The following KIF22 variants were observed in gnomAD, a reference collection of about 807,000 sequenced individuals.
KIF22 encodes kinesin family member 22.
KIF22 carries 62 observed loss-of-function variants against 73.0 expected under a neutral mutation model. The ratio of observed to expected loss-of-function variants is 0.85; its 90% confidence interval spans 0.69 to 1.05. KIF22 has a LOEUF of 1.05. Among genes scored for constraint, KIF22 ranks in the 50% least tolerant of loss-of-function variants. The pLI is 0.00. For synonymous variants in KIF22, 411 were observed against 340.1 expected, an observed-to-expected ratio of 1.21 and a Z score of -2.29; for missense variants, 854 against 870.1, an observed-to-expected ratio of 0.98 and a Z score of 0.23.
intron 8 of KIF22, among the ~76,000 whole-genome samples, chr16:29,800,396 G>C (rs1325379152): frequency 2.0e-5 from 3 of 152,058 alleles, no homozygotes; most frequent in African/African-American, 7.3e-5. Context: ...AGCAGAGGTT[G>C]CAGTGAGCTG....
At chr16:29,799,572 T>C (rs1359458204) in intron 6 of KIF22, 56 bp from the exon 7 acceptor site, 2 of 1,612,278 alleles carry the variant, frequency 1.2e-6, no homozygotes, top group Admixed American at 3.3e-5. Flanking sequence ...GGAATAGCAG[T>C]TGAGGCATAG....
chr16:29,798,313 T>TACACACACACACAC lies in KIF22; in HGVS notation c.267-40_267-27dup, dbSNP rs6145811. 8 of 1,241,532 alleles carry TACACACACACACAC rather than the reference T, an allele frequency of 6.4e-6. No homozygotes were observed. The African/African-American group carries it at 1.3e-4, about 20-fold the overall frequency. The allele number at this position is 1,241,532 out of a possible 1,614,324, so 76.9% of individuals were successfully genotyped here. ...CCCACCCCCACCCCACTCCACCCCT[T>TACACACACACACAC]ACACACACACACACACACACACACA... is the stretch of plus-strand genomic sequence containing the variant. On this transcript the variant is annotated intron_variant, in intron 2 of 13. Coordinates refer to ENST00000160827, the MANE Select transcript of KIF22 (RefSeq NM_007317.3). The surrounding 1 kb of genome is among the most constrained non-coding windows in gnomAD (Gnocchi z 4.1).
At chr16:29,801,301 C>A (rs1476651340) in intron 8 of KIF22, among the ~76,000 whole-genome samples, 1 of 152,180 alleles carries the variant, frequency 6.6e-6, no homozygotes, top group Non-Finnish European at 1.5e-5. Flanking sequence ...CCTCCACCCC[C>A]CAGGAGCCAG....
chr16:29,799,465 C>G lies in KIF22; in HGVS notation c.961C>G (p.Arg321Gly). The change falls in exon 6 of 14, where the codon CGG becomes GGG. Residue 321 changes from arginine to glycine, a missense_variant. Physicochemically the swap from Arg to Gly is moderately radical, Grantham distance 125 (BLOSUM62 -2). Transcript: ENST00000160827. ...TCAGGGCCTCCCTCGTGTACCTTAT[C>G]GGGACAGCAAGCTCACTCGCCTATT... Reference protein sequence around the residue: ...LNQGLPRVPYRDSKLTRLLQD... With the variant: ...LNQGLPRVPYGDSKLTRLLQD... 1 of 1,614,146 alleles carries G rather than the reference C, an allele frequency of 6.2e-7. No individual in the cohort carries two copies. Among genetic ancestry groups the G allele is most frequent in the Non-Finnish European group, 8.5e-7 (1 of 1,180,022 alleles).
intron 1 of KIF22, chr16:29,792,548 A>G (rs1898845836): frequency 4.0e-6 from 1 of 251,766 alleles, no homozygotes; most frequent in Non-Finnish European, 6.3e-6. Context: ...CACAGTTGGC[A>G]GTCAGGTGGA....
At chr16:29,804,131 G>A in intron 11 of KIF22, 66 bp downstream of exon 11, 2 of 1,336,048 alleles carry the variant, frequency 1.5e-6, no homozygotes, top group African/African-American at 1.4e-5. Context: ...GGCTCTAGGG[G>A]GAGGAGCGTT....
rs1162559793 is a variant in KIF22, at chr16:29,798,449, C to T, written c.342C>T (p.His114=). The T allele has an allele frequency of 1.9e-6, 3 of 1,614,070 alleles. No homozygotes were observed. Among genetic ancestry groups the T allele is most frequent in the Non-Finnish European group, 2.5e-6 (3 of 1,180,050 alleles). ...GTTCAGTGCAGCCCATCCTAAGGCA[C>T]TTGCTGGAAGGGCAGAATGCCAGTG... ...YAGSVQPILR[H]LLEGQNASVL... is the part of the protein sequence containing the mutation. Residue 114 remains histidine, a synonymous_variant, in exon 3 of 14, where the codon CAC becomes CAT. Transcript: ENST00000160827. The surrounding 1 kb of genome is among the most constrained non-coding windows in gnomAD (Gnocchi z 4.1).
chr16:29,794,858 G>T (rs1898910110), intron 1 of KIF22, among the ~76,000 whole-genome samples: 1 of 152,152 alleles, frequency 6.6e-6, no homozygotes, highest in Non-Finnish European at 1.5e-5. Flanking sequence ...TTACAGGCAT[G>T]AACCACTGCG....
At chr16:29,804,650 GAATT>G (rs1323483710) in intron 11 of KIF22, 160 bp from the exon 12 acceptor site, 1 of 705,394 alleles carries the variant, frequency 1.4e-6, no homozygotes, top group South Asian at 1.5e-5. Flanking sequence ...TGCATAATAA[GAATT>G]AACCCAGAGA....
At chr16:29,793,548 C>T (rs553787972) in intron 1 of KIF22, among the ~76,000 whole-genome samples, 20 of 152,214 alleles carry the variant, frequency 1.3e-4, no homozygotes, top group African/African-American at 3.6e-4. Flanking sequence ...GCCAAGAGGG[C>T]GGGTGACCTG....
chr16:29,805,187 C>T lies in KIF22; in HGVS notation c.1950+13C>T. 6.2e-7 allele frequency: 1 copy of T among 1,614,186 alleles called. No individual in the cohort carries two copies. Among genetic ancestry groups the T allele is most frequent in the Non-Finnish European group, 8.5e-7 (1 of 1,180,034 alleles). On this transcript the variant is annotated intron_variant, in intron 13 of 13. Coordinates refer to ENST00000160827, the MANE Select transcript of KIF22 (RefSeq NM_007317.3). ...GTCCTTCCTGAAGGTGAAGTCACGG[C>T]CCTGCCCCTCCTCTGCCTGTCCTGC... is the stretch of plus-strand genomic sequence containing the variant.
At chr16:29,792,378 G>A in intron 1 of KIF22, 2 of 982,380 alleles carry the variant, frequency 2.0e-6, no homozygotes, top group Non-Finnish European at 2.4e-6. Context: ...GTGAGCCCTG[G>A]GGCAGGAATG....
intron 11 of KIF22, 55 bp downstream of exon 11, chr16:29,804,120 A>G (rs1567362409): frequency 7.1e-7 from 1 of 1,416,662 alleles, no homozygotes; most frequent in Admixed American, 1.7e-5. Flanking sequence ...AAGGGGGAGT[A>G]GGCTCTAGGG....
At chr16:29,794,638 G>C (rs1898904465) in intron 1 of KIF22, among the ~76,000 whole-genome samples, 1 of 151,976 alleles carries the variant, frequency 6.6e-6, no homozygotes, top group African/African-American at 2.4e-5. Context: ...CTGGAGTGCA[G>C]TGGCGCAATC....
chr16:29,791,900 A>G (rs1567355349), intron 1 of KIF22, among the ~76,000 whole-genome samples: 1 of 152,184 alleles, frequency 6.6e-6, no homozygotes, highest in Non-Finnish European at 1.5e-5. Context: ...CATGGTAGAT[A>G]TGAAAATGCC....
chr16:29,804,928 G>C lies in KIF22; in HGVS notation c.1792G>C (p.Glu598Gln), dbSNP rs1476270968. 5.0e-6 allele frequency: 8 copies of C among 1,612,142 alleles called. No homozygotes were observed. The highest frequency in any genetic ancestry group is 6.8e-6 in the Non-Finnish European group (8 of 1,179,362). The change falls in exon 12 of 14, where the codon GAA (glutamate) becomes CAA (glutamine). Residue 598 changes from glutamate (E) to glutamine (Q), a missense_variant. Physicochemically the swap from Glu to Gln is conservative, Grantham distance 29. Coordinates refer to ENST00000160827, the MANE Select transcript of KIF22 (RefSeq NM_007317.3). Reference sequence around the variant, plus strand: ...CCAAAAAATACTGGATCTGCTGAACGAAGGCTCAGCCCGAGATCTCCGCAG... The same window carrying C: ...CCAAAAAATACTGGATCTGCTGAACCAAGGCTCAGCCCGAGATCTCCGCAG... Reference protein sequence around the residue: ...GRQKILDLLNEGSARDLRSLQ... With the variant: ...GRQKILDLLNQGSARDLRSLQ...
chr16:29,798,777 C>T lies in KIF22; in HGVS notation c.549+30C>T. 1 of 1,606,594 alleles carries T rather than the reference C, an allele frequency of 6.2e-7. No individual in the cohort carries two copies. Among genetic ancestry groups the T allele is most frequent in the South Asian group, 1.1e-5 (1 of 90,286 alleles). On this transcript the variant is annotated intron_variant, in intron 4 of 13. Transcript: ENST00000160827. This position sits in a 1 kb window ranked among gnomAD's most constrained non-coding sequence, Gnocchi z 4.1. ...GGCCCCGTGCTGGTTGGGAGAGGAG[C>T]AACAAAGGGTCAAAGTAAGACCTGG...
In KIF22 at chr16:29,804,803, T is replaced by C; in HGVS notation, c.1678-11T>C. The stretch of plus-strand genomic sequence containing the variant: ...TGCCCTGCGTGTCACTCATCTCCCT[T>C]TGCCTCCCAGCTGGAGTCCCTGGAT... On this transcript the variant is annotated splice_polypyrimidine_tract_variant and intron_variant, in intron 11 of 13. Coordinates refer to ENST00000160827, the MANE Select transcript of KIF22 (RefSeq NM_007317.3). The C allele has an allele frequency of 1.9e-6, 3 of 1,592,510 alleles. No homozygotes were observed. Among genetic ancestry groups the C allele is most frequent in the East Asian group, 2.3e-5 (1 of 44,158 alleles).
rs6145811 is a variant in KIF22 at position 29,798,313 on chromosome 16, TACACACACACAC to T, written c.267-38_267-27del. On this transcript the variant is annotated intron_variant, in intron 2 of 13. Coordinates refer to ENST00000160827, the MANE Select transcript of KIF22 (RefSeq NM_007317.3). The surrounding 1 kb of genome is among the most constrained non-coding windows in gnomAD (Gnocchi z 4.1). ...CCCACCCCCACCCCACTCCACCCCTTACACACACACACACACACACACACACACACACACGCT... is the reference window on the plus strand; with the variant it reads ...CCCACCCCCACCCCACTCCACCCCTTACACACACACACACACACACACGCT... 286 of 1,241,610 alleles carry T rather than the reference TACACACACACAC, an allele frequency of 2.3e-4. 1 individual carries two copies. Among genetic ancestry groups the T allele is most frequent in the Middle Eastern group, 1.3e-3 (4 of 3,018 alleles). 76.9% of individuals were successfully genotyped at this position (1,241,610 alleles called of 1,614,324 possible).
Sources: allele counts gnomAD v4.1 joint callset (sites outside exome capture counted in the v4.1 genomes callset), GRCh38; gene constraint gnomAD v4.1.1; non-coding constraint Gnocchi (gnomAD v3.1); transcripts MANE v1.5; gene names NCBI Gene and HGNC (gene_info 2026-07-23, HGNC 2026-07-21).